The following PLXNC1 variants were observed in gnomAD, a reference collection of about 807,000 sequenced individuals.
PLXNC1 encodes plexin-C1.
In PLXNC1, 75 loss-of-function variants were observed where a neutral mutation model predicts 178.2. The observed-to-expected ratio is 0.42, with a 90% CI of 0.35 to 0.51. The LOEUF (loss-of-function observed/expected upper bound fraction) is 0.51. PLXNC1 is among the 20% of genes least tolerant of loss of function. The probability of loss-of-function intolerance (pLI) is 0.02; values close to 1 mark genes in which losing one functional copy is unlikely to be tolerated. For missense variants in PLXNC1, 1,503 were observed against 1,984.4 expected (o/e 0.76, Z 4.61); for synonymous variants, 790 against 779.9 (o/e 1.01, Z -0.22).
intron 28 of PLXNC1, 46 bp from the exon 29 acceptor site, chr12:94,303,710 T>A: frequency 1.7e-6 from 2 of 1,184,450 alleles, no homozygotes; most frequent in Non-Finnish European, 2.3e-6. Flanking sequence ...TTTTTTTTTT[T>A]TTACTCTTTT....
intron 28 of PLXNC1, among the ~76,000 whole-genome samples, chr12:94,301,312 A>G (rs767446562): frequency 7.9e-5 from 12 of 152,252 alleles, no homozygotes; most frequent in South Asian, 2.1e-4. Flanking sequence ...ATCACAAAGT[A>G]TGCGTTTTGT....
chr12:94,269,581 C>T (rs772762043), intron 21 of PLXNC1, among the ~76,000 whole-genome samples: 8 of 152,178 alleles, frequency 5.3e-5, no homozygotes, highest in Non-Finnish European at 1.2e-4. Context: ...ATCCATTAGC[C>T]CCGTAATTAA....
intron 2 of PLXNC1, 59 bp from the exon 3 acceptor site, chr12:94,181,387 A>AAT: frequency 4.2e-6 from 1 of 237,740 alleles, no homozygotes; most frequent in Non-Finnish European, 6.0e-6. Context: ...ATTCCGTCTC[A>AAT]AAAAAAAAAA....
At chr12:94,257,088 A>C (rs1592818616) in intron 17 of PLXNC1, among the ~76,000 whole-genome samples, 1 of 152,228 alleles carries the variant, frequency 6.6e-6, no homozygotes, top group Admixed American at 6.5e-5. Flanking sequence ...ATAATAATTA[A>C]GAAAAGATAG....
At chr12:94,204,731 C>T (rs957371403) in intron 4 of PLXNC1, among the ~76,000 whole-genome samples, 6 of 152,332 alleles carry the variant, frequency 3.9e-5, no homozygotes, top group African/African-American at 1.2e-4. Flanking sequence ...GGGCTCTGTG[C>T]CTTCCCTAAA....
At chr12:94,303,651 G>A in intron 28 of PLXNC1, 105 bp from the exon 29 acceptor site, 5 of 988,788 alleles carry the variant, frequency 5.1e-6, no homozygotes, top group Non-Finnish European at 7.1e-6. Context: ...ACTGGTTGGT[G>A]GTGGGGGTTC....
At chr12:94,196,226 C>A (rs147042869) in intron 4 of PLXNC1, among the ~76,000 whole-genome samples, 2 of 152,258 alleles carry the variant, frequency 1.3e-5, no homozygotes, top group African/African-American at 4.8e-5. Context: ...CTCCAAATCT[C>A]GTGTTGAAAT....
intron 21 of PLXNC1, among the ~76,000 whole-genome samples, chr12:94,266,598 G>A (rs971337004): frequency 3.3e-5 from 5 of 152,204 alleles, no homozygotes; most frequent in African/African-American, 9.7e-5. Context: ...TGTTGGTAGA[G>A]TGGTTAACAG....
chr12:94,195,140 C>G (rs554792523), intron 4 of PLXNC1, among the ~76,000 whole-genome samples: 4 of 152,144 alleles, frequency 2.6e-5, no homozygotes, highest in African/African-American at 9.6e-5. Context: ...CTAGCGGGTG[C>G]TGGGAACTCA....
chr12:94,164,208 G>A (rs1961502593), intron 1 of PLXNC1, among the ~76,000 whole-genome samples: 1 of 152,096 alleles, frequency 6.6e-6, no homozygotes, highest in Admixed American at 6.6e-5. Context: ...ATCCCAAAGG[G>A]AACAGAATAT....
At chr12:94,233,777 T>G (rs1964171364) in intron 9 of PLXNC1, among the ~76,000 whole-genome samples, 1 of 152,164 alleles carries the variant, frequency 6.6e-6, no homozygotes, top group Admixed American at 6.5e-5. Context: ...TATTTTGCTA[T>G]TTTCTTTCCA....
intron 23 of PLXNC1, among the ~76,000 whole-genome samples, chr12:94,285,484 T>G (rs1459822357): frequency 6.6e-6 from 1 of 152,168 alleles, no homozygotes; most frequent in African/African-American, 2.4e-5. Context: ...GGCTAGCAAC[T>G]TGCCCCGTGC....
chr12:94,211,992 C>T (rs1249415621), intron 5 of PLXNC1, among the ~76,000 whole-genome samples: 3 of 151,258 alleles, frequency 2.0e-5, no homozygotes, highest in Admixed American at 1.3e-4. Flanking sequence ...ATAGAAAAGA[C>T]GGCCGGGCGC....
intron 23 of PLXNC1, among the ~76,000 whole-genome samples, chr12:94,291,135 G>A (rs189757839): frequency 8.5e-5 from 13 of 152,356 alleles, no homozygotes; most frequent in African/African-American, 2.6e-4. Context: ...AAAGGTCTTA[G>A]GTGAGAACGC....
At chr12:94,210,498 C>T (rs1419106421) in intron 5 of PLXNC1, among the ~76,000 whole-genome samples, 1 of 152,154 alleles carries the variant, frequency 6.6e-6, no homozygotes, top group Non-Finnish European at 1.5e-5. Flanking sequence ...AGCCAGCTGA[C>T]CTGTCTGTTG....
In PLXNC1 at chr12:94,255,189, G is replaced by C; in HGVS notation, c.2984-4G>C. On this transcript the variant is annotated splice_region_variant and splice_polypyrimidine_tract_variant and intron_variant, in intron 16 of 30. Transcript: ENST00000258526. ...AATATTGCTCTTGGGATTCTGTTTT[G>C]CAGGCTTTGCTGAGCTGCAGATGGA... The C allele has an allele frequency of 6.2e-7, 1 of 1,608,772 alleles. No homozygotes were observed. Among genetic ancestry groups the C allele is most frequent in the Middle Eastern group, 1.7e-4 (1 of 6,056 alleles).
chr12:94,248,136 T>TCA, intron 13 of PLXNC1, 30 bp downstream of exon 13: 1 of 1,597,628 alleles, frequency 6.3e-7, no homozygotes, highest in Non-Finnish European at 8.6e-7. Flanking sequence ...GGGTGGGATG[T>TCA]CACCCCGACC....
At chr12:94,201,413 T>C (rs926683961) in intron 4 of PLXNC1, among the ~76,000 whole-genome samples, 1 of 152,228 alleles carries the variant, frequency 6.6e-6, no homozygotes, top group Admixed American at 6.5e-5. Context: ...TTGCCTAAAT[T>C]TTCTGTTCCA....
At chr12:94,153,459 A>G (rs946600085) in intron 1 of PLXNC1, among the ~76,000 whole-genome samples, 2 of 152,188 alleles carry the variant, frequency 1.3e-5, no homozygotes, top group Admixed American at 1.3e-4. Flanking sequence ...TATAAAAATG[A>G]ATGTTTTTAA....
Sources: gnomAD v4.1 joint callset for allele counts (sites outside exome capture counted in the v4.1 genomes callset) on GRCh38, gnomAD v4.1.1 for gene constraint, MANE v1.5 for transcripts, NCBI Gene and HGNC (gene_info 2026-07-23, HGNC 2026-07-21) for gene names.